The following BICD1 variants were observed in gnomAD, a reference collection of about 807,000 sequenced individuals.
BICD1 encodes BICD cargo adaptor 1, also known as protein bicaudal D homolog 1.
In BICD1, 35 loss-of-function variants were observed where a neutral mutation model predicts 92.5. The observed-to-expected ratio is 0.38, with a 90% CI of 0.29 to 0.50. The LOEUF is 0.50. Ranked by LOEUF, BICD1 falls within the 20% of genes least tolerant of loss-of-function variation. BICD1 has a pLI of 0.93. For missense variants in BICD1, 950 were observed against 1,189.8 expected, an observed-to-expected ratio of 0.80 and a Z score of 2.97; for synonymous variants, 429 against 465.1, an observed-to-expected ratio of 0.92 and a Z score of 1.00.
In BICD1 at chr12:32,381,088, T is replaced by G. The variant is rs1274061126; in HGVS notation, c.*3461T>G. The G allele has an allele frequency of 6.6e-6, 1 of 152,150 alleles. No homozygotes were observed. Among genetic ancestry groups the G allele is most frequent in the Non-Finnish European group, 1.5e-5 (1 of 67,984 alleles). 9.4% of individuals were successfully genotyped at this position (152,150 alleles called of 1,614,324 possible). A position where few individuals can be genotyped will look rare whatever the true frequency, so the allele number is the denominator to read the frequency against. On this transcript the variant is annotated 3_prime_UTR_variant, in exon 10 of 10. Transcript: ENST00000652176. Reference sequence around the variant, plus strand: ...TCATAATCCTGTGATTCTTTTATTTTAAGTTTTAAAATACATTAAAATTTT... The same window carrying G: ...TCATAATCCTGTGATTCTTTTATTTGAAGTTTTAAAATACATTAAAATTTT...
chr12:32,279,256 A>T (rs1947355933), intron 2 of BICD1, among the ~76,000 whole-genome samples: 1 of 152,238 alleles, frequency 6.6e-6, no homozygotes, highest in Non-Finnish European at 1.5e-5. Flanking sequence ...TCCCTAAAAG[A>T]TACAGAATTT....
At chr12:32,173,718 G>A (rs1223153860) in intron 1 of BICD1, among the ~76,000 whole-genome samples, 4 of 152,074 alleles carry the variant, frequency 2.6e-5, no homozygotes, top group African/African-American at 4.8e-5. Context: ...GAAATTATTA[G>A]CCACTTAATT....
intron 2 of BICD1, among the ~76,000 whole-genome samples, chr12:32,273,146 C>T (rs193001432): frequency 6.6e-6 from 1 of 152,272 alleles, no homozygotes; most frequent in Non-Finnish European, 1.5e-5. Flanking sequence ...CTGACAGGCT[C>T]AGCATCATGA....
chr12:32,315,520 G>A (rs1242344515), intron 4 of BICD1, among the ~76,000 whole-genome samples: 5 of 141,086 alleles, frequency 3.5e-5, no homozygotes, highest in Non-Finnish European at 6.2e-5. Flanking sequence ...CTGAAATTCT[G>A]TTGGAGTTTG....
At chr12:32,377,361 T>G (rs1027162521) in intron 9 of BICD1, among the ~76,000 whole-genome samples, 179 bp from the exon 10 acceptor site, 6 of 152,252 alleles carry the variant, frequency 3.9e-5, no homozygotes, top group African/African-American at 1.4e-4. Flanking sequence ...TTTTTCTTTT[T>G]TATGCCTTGT....
chr12:32,265,656 G>C (rs1039839190), intron 2 of BICD1, among the ~76,000 whole-genome samples: 5 of 150,370 alleles, frequency 3.3e-5, no homozygotes, highest in African/African-American at 1.2e-4. Context: ...AAGAGTTCGC[G>C]GTTACAGTGA....
intron 1 of BICD1, among the ~76,000 whole-genome samples, chr12:32,138,769 T>C (rs1030093878): frequency 6.6e-6 from 1 of 151,838 alleles, no homozygotes; most frequent in African/African-American, 2.4e-5. Context: ...ATTTTTGACT[T>C]ATGATATTTT....
chr12:32,366,910 T>C (rs1939545979), intron 8 of BICD1, among the ~76,000 whole-genome samples: 1 of 152,198 alleles, frequency 6.6e-6, no homozygotes, highest in Admixed American at 6.5e-5. Flanking sequence ...GGCACTACTT[T>C]CTTGGAGTAG....
At chr12:32,275,397 T>C (rs1565634893) in intron 2 of BICD1, among the ~76,000 whole-genome samples, 1 of 152,178 alleles carries the variant, frequency 6.6e-6, no homozygotes, top group Non-Finnish European at 1.5e-5. Flanking sequence ...TGAGACTTTT[T>C]TTAGTCACCG....
At chr12:32,340,931 T>C (rs1436523573) in intron 8 of BICD1, among the ~76,000 whole-genome samples, 2 of 152,192 alleles carry the variant, frequency 1.3e-5, no homozygotes, top group Non-Finnish European at 2.9e-5. Context: ...CAGTTAAAAG[T>C]TGAACATCCT....
intron 4 of BICD1, among the ~76,000 whole-genome samples, chr12:32,314,228 T>C (rs906121051): frequency 6.6e-6 from 1 of 152,252 alleles, no homozygotes; most frequent in Non-Finnish European, 1.5e-5. Flanking sequence ...AAAGCTGCTA[T>C]GAACATTTGT....
At chr12:32,276,658 A>T (rs2136158692) in intron 2 of BICD1, among the ~76,000 whole-genome samples, 1 of 144,518 alleles carries the variant, frequency 6.9e-6, no homozygotes, top group East Asian at 2.0e-4. Context: ...ACTCTATTAA[A>T]TCTTGCAACT....
chr12:32,195,056 C>T (rs1944688644), intron 1 of BICD1, among the ~76,000 whole-genome samples: 2 of 144,688 alleles, frequency 1.4e-5, no homozygotes, highest in Admixed American at 7.0e-5. Flanking sequence ...CATGATTGTG[C>T]CACTGCACTG....
At chr12:32,285,791 T>A (rs2136178646) in intron 2 of BICD1, among the ~76,000 whole-genome samples, 1 of 152,290 alleles carries the variant, frequency 6.6e-6, no homozygotes, top group South Asian at 2.1e-4. Context: ...TTACTCTGGT[T>A]ATTCTTGATG....
At chr12:32,186,270 T>C (rs1944421204) in intron 1 of BICD1, among the ~76,000 whole-genome samples, 1 of 152,220 alleles carries the variant, frequency 6.6e-6, no homozygotes, top group South Asian at 2.1e-4. Flanking sequence ...ACATACAACA[T>C]ACCCCTAAAA....
intron 1 of BICD1, among the ~76,000 whole-genome samples, chr12:32,162,478 C>G (rs1943628206): frequency 6.6e-6 from 1 of 152,158 alleles, no homozygotes; most frequent in Non-Finnish European, 1.5e-5. Flanking sequence ...CCTCTTCCAC[C>G]TCTATGGGAA....
Position 32,107,296 on chromosome 12 carries a change from C to G in BICD1, c.-36C>G. On this transcript the variant is annotated 5_prime_UTR_variant, in exon 1 of 10. Transcript: ENST00000652176. ...GCCAGCTTCGCATCCATCTCCCCCACCCCGTAACCCCCTCCTGCCTCCATC... is the reference window on the plus strand; with the variant it reads ...GCCAGCTTCGCATCCATCTCCCCCAGCCCGTAACCCCCTCCTGCCTCCATC... 1 of 1,541,248 alleles carries G rather than the reference C, an allele frequency of 6.5e-7. No homozygotes were observed. Among genetic ancestry groups the G allele is most frequent in the South Asian group, 1.2e-5 (1 of 84,336 alleles).
At chr12:32,358,333 T>A (rs1053828903) in intron 8 of BICD1, among the ~76,000 whole-genome samples, 1 of 151,892 alleles carries the variant, frequency 6.6e-6, no homozygotes, top group African/African-American at 2.4e-5. Context: ...ACTCCTGAAC[T>A]GAAGCTATCT....
At chr12:32,247,169 A>G (rs573817477) in intron 2 of BICD1, among the ~76,000 whole-genome samples, 1 of 151,178 alleles carries the variant, frequency 6.6e-6, no homozygotes, top group South Asian at 2.1e-4. Flanking sequence ...AGGTGGGAGG[A>G]TCACTTGAGT....
Sources: gnomAD v4.1 joint callset for allele counts (sites outside exome capture counted in the v4.1 genomes callset) on GRCh38, gnomAD v4.1.1 for gene constraint, MANE v1.5 for transcripts, NCBI Gene and HGNC (gene_info 2026-07-23, HGNC 2026-07-21) for gene names.